The following AP3D1 variants were observed in gnomAD, a reference collection of about 807,000 sequenced individuals.
The protein encoded by AP3D1 is adaptor related protein complex 3 subunit delta 1.
A neutral mutation model predicts 147.6 loss-of-function variants in AP3D1; 51 were observed. The ratio of observed to expected loss-of-function variants is 0.35; its 90% CI spans 0.28 to 0.44. The LOEUF (loss-of-function observed/expected upper bound fraction) is 0.44. AP3D1 is among the 20% of genes least tolerant of loss of function. The probability of loss-of-function intolerance (pLI) is 1.00; values close to 1 mark genes in which losing one functional copy is unlikely to be tolerated. For missense variants in AP3D1, 1,421 were observed against 1,624.2 expected (o/e 0.87, Z 2.15); for synonymous variants, 760 against 663.0 (o/e 1.15, Z -2.25).
chr19:2,145,806 C>G (rs2019341516), intron 1 of AP3D1, among the ~76,000 whole-genome samples: 3 of 152,196 alleles, frequency 2.0e-5, no homozygotes, highest in South Asian at 2.1e-4. Flanking sequence ...CTTTTGAAAA[C>G]CCCTGCAAAG....
rs935868863 is a variant in AP3D1, at chr19:2,112,703, A to G, written c.2787+157T>C. 7.0e-6 allele frequency: 4 copies of G among 569,554 alleles called. No individual in the cohort carries two copies. The South Asian group carries it at 9.3e-5, about 13-fold the overall frequency. 35.3% of individuals were successfully genotyped at this position (569,554 alleles called of 1,614,324 possible). On this transcript the variant is annotated intron_variant, in intron 24 of 31. Coordinates refer to ENST00000643116, the MANE Select transcript of AP3D1 (RefSeq NM_001261826.3). The stretch of plus-strand genomic sequence containing the variant: ...ATAAGAAGGTTATTAAAAAAACACA[A>G]GACCACAACCACAACAAAAGGCCCG...
intron 7 of AP3D1, 49 bp from the exon 8 acceptor site, chr19:2,129,212 G>C (rs1448555609): frequency 6.2e-7 from 1 of 1,608,632 alleles, no homozygotes; most frequent in East Asian, 2.2e-5. Flanking sequence ...GCCCCACGCA[G>C]GGTGAGGGAC....
intron 9 of AP3D1, 31 bp from the exon 10 acceptor site, chr19:2,123,910 TCAGCACCATGGC>T: frequency 1.3e-6 from 2 of 1,561,788 alleles, no homozygotes; most frequent in East Asian, 2.4e-5. Flanking sequence ...AGCACCACGG[TCAGCACCATGGC>T]CAGCGCCGAC....
chr19:2,154,105 C>T (rs190187757), upstream of AP3D1, among the ~76,000 whole-genome samples: 88 of 151,976 alleles, frequency 5.8e-4, 1 homozygote, highest in African/African-American at 2.0e-3. Flanking sequence ...CCACCACCAC[C>T]TCCAGCTAAT....
At chr19:2,108,956 C>T (rs761145521) in intron 30 of AP3D1, 130 bp downstream of exon 30, 317 of 1,465,494 alleles carry the variant, frequency 2.2e-4, no homozygotes, top group Non-Finnish European at 2.7e-4. Flanking sequence ...GCCTCGGGGC[C>T]ACCAGCCACC....
At chr19:2,113,097 C>G (rs1005446444) in intron 23 of AP3D1, 130 bp from the exon 24 acceptor site, 5 of 680,762 alleles carry the variant, frequency 7.3e-6, no homozygotes, top group Non-Finnish European at 9.8e-6. Context: ...CAGTGCCCTC[C>G]GAGTGACAGG....
chr19:2,164,312 C>T (rs1431899907), intron 1 of AP3D1: 3 of 1,218,466 alleles, frequency 2.5e-6, no homozygotes, highest in Middle Eastern at 2.6e-4. Flanking sequence ...TCCCCTCCTC[C>T]GCCGCCCCTG....
In AP3D1 at chr19:2,113,606, C is replaced by T. The variant is rs952682572; in HGVS notation, c.2602-193G>A. ...AGCCAGCCCTGCTGGCTCTGGCTTTCGCTGCCAGAAGAGGGCCGGGGACAA... is the reference window on the plus strand; with the variant it reads ...AGCCAGCCCTGCTGGCTCTGGCTTTTGCTGCCAGAAGAGGGCCGGGGACAA... On this transcript the variant is annotated intron_variant, in intron 22 of 31. Transcript: ENST00000643116. 5.9e-5 allele frequency among the ~76,000 whole-genome samples: 9 copies of T among 152,288 alleles called. No homozygotes were observed. In the South Asian group the frequency reaches 6.2e-4, roughly 11 times the overall value.
At chr19:2,131,539 C>CCG (rs2018944211) in intron 5 of AP3D1, among the ~76,000 whole-genome samples, 2 of 76,476 alleles carry the variant, frequency 2.6e-5, no homozygotes, top group Admixed American at 1.5e-4. Context: ...TCTAGGCACC[C>CCG]GGTGGACAGG....
At chr19:2,159,596 G>A (rs1334980039) in intron 1 of AP3D1, among the ~76,000 whole-genome samples, 1 of 151,946 alleles carries the variant, frequency 6.6e-6, no homozygotes, top group Non-Finnish European at 1.5e-5. Flanking sequence ...CACCATGTTA[G>A]CCAGGATGGT....
At chr19:2,105,745 T>C (rs1327311440) in intron 31 of AP3D1, among the ~76,000 whole-genome samples, 1 of 152,070 alleles carries the variant, frequency 6.6e-6, no homozygotes, top group Non-Finnish European at 1.5e-5. Flanking sequence ...AGGGAGGAAG[T>C]GTGCAGCACC....
In AP3D1 at chr19:2,102,209, C is replaced by G. The variant is rs751567547; in HGVS notation, c.3612G>C (p.Leu1204Phe). The change falls in exon 32 of 32, where the codon TTG (leucine) becomes TTC (phenylalanine). Residue 1204 changes from leucine to phenylalanine, a missense_variant. Physicochemically the swap from Leu to Phe is conservative, Grantham distance 22. Coordinates refer to ENST00000643116, the MANE Select transcript of AP3D1 (RefSeq NM_001261826.3). The part of the protein sequence containing the change: ...KCSDSTLLSN[L>F]LEEMKATLAK... ...CCAGCGTCGCCTTCATCTCTTCTAA[C>G]AAGTTGCTCAGTAGCGTGGAGTCAC... 3 of 1,614,116 alleles carry G rather than the reference C, an allele frequency of 1.9e-6. No homozygotes were observed. The highest frequency in any genetic ancestry group is 2.5e-6 in the Non-Finnish European group (3 of 1,180,012).
At chr19:2,117,034 CAGA>C (rs1387411530) in intron 16 of AP3D1, 185 bp downstream of exon 16, 1 of 853,960 alleles carries the variant, frequency 1.2e-6, no homozygotes, top group Non-Finnish European at 1.7e-6. Flanking sequence ...CATCCCCAGG[CAGA>C]AGCCAGATCC....
chr19:2,137,832 G>C, intron 2 of AP3D1, 25 bp from the exon 3 acceptor site: 1 of 1,608,622 alleles, frequency 6.2e-7, no homozygotes, highest in Non-Finnish European at 8.5e-7. Context: ...ACAGGAAATT[G>C]CACTCACAAG....
chr19:2,110,667 C>T, intron 27 of AP3D1, 40 bp downstream of exon 27: 2 of 1,520,522 alleles, frequency 1.3e-6, no homozygotes, highest in Non-Finnish European at 1.8e-6. Context: ...ACTGCGCTCC[C>T]ACAGTCCCCA....
intron 1 of AP3D1, among the ~76,000 whole-genome samples, chr19:2,158,308 G>A (rs567578402): frequency 4.6e-5 from 7 of 151,482 alleles, no homozygotes; most frequent in South Asian, 4.2e-4. Flanking sequence ...CGCCCACCTC[G>A]GCCTCCCAAA....
chr19:2,150,851 G>C (rs976155248), intron 1 of AP3D1, among the ~76,000 whole-genome samples: 1 of 152,220 alleles, frequency 6.6e-6, no homozygotes, highest in Non-Finnish European at 1.5e-5. Context: ...GACCTCGCAA[G>C]TCTCCTGGGA....
intron 9 of AP3D1, among the ~76,000 whole-genome samples, chr19:2,126,532 T>C (rs1324983509): frequency 6.6e-6 from 1 of 151,584 alleles, no homozygotes; most frequent in African/African-American, 2.4e-5. Context: ...CGGGCGCCTA[T>C]AGTCCCTGCT....
chr19:2,111,414 G>A (rs2018273453), intron 25 of AP3D1, 82 bp from the exon 26 acceptor site: 3 of 1,535,412 alleles, frequency 2.0e-6, no homozygotes, highest in Non-Finnish European at 2.7e-6. Context: ...AATACCCCAG[G>A]TCGAATGCCA....
Sources: allele counts gnomAD v4.1 joint callset (sites outside exome capture counted in the v4.1 genomes callset), GRCh38; gene constraint gnomAD v4.1.1; transcripts MANE v1.5; gene names NCBI Gene and HGNC (gene_info 2026-07-23, HGNC 2026-07-21).